Variants in AGBL1 observed in about 807,000 individuals in gnomAD.
AGBL1 encodes the protein cytosolic carboxypeptidase 4.
In AGBL1, 130 loss-of-function variants were observed where a neutral mutation model predicts 118.9. The observed-to-expected ratio is 1.09, with a 90% CI of 0.95 to 1.26. AGBL1 has a LOEUF of 1.26. Ranked by LOEUF, AGBL1 falls within the 50% of genes most tolerant of loss-of-function variation. The pLI is 0.00. For synonymous variants in AGBL1, 555 were observed against 478.9 expected (o/e 1.16, Z -2.08); for missense variants, 1,584 against 1,298.1 (o/e 1.22, Z -3.38).
intron 16 of AGBL1, among the ~76,000 whole-genome samples, chr15:86,281,312 G>A (rs1190437985): frequency 6.6e-6 from 1 of 152,168 alleles, no homozygotes; most frequent in Admixed American, 6.5e-5. Flanking sequence ...GGGCTCAGGA[G>A]GTTGAGGCTG....
intron 24 of AGBL1, among the ~76,000 whole-genome samples, chr15:87,015,805 G>C (rs1265670781): frequency 6.6e-6 from 1 of 152,024 alleles, no homozygotes; most frequent in Non-Finnish European, 1.5e-5. Context: ...TAAAACATTA[G>C]GAGTAATTTT....
At chr15:86,290,434 T>A (rs933632075) in intron 16 of AGBL1, among the ~76,000 whole-genome samples, 1 of 150,282 alleles carries the variant, frequency 6.7e-6, no homozygotes. Context: ...CACTGCAGCC[T>A]TGACCTCCCA....
At chr15:86,630,327 T>A (rs997225769) in intron 21 of AGBL1, 7 of 152,244 alleles carry the variant, frequency 4.6e-5, no homozygotes, top group African/African-American at 1.7e-4. Context: ...TCTGTGGAAC[T>A]CAGCGTTGGT....
At chr15:86,431,235 T>C (rs2081932101) in intron 18 of AGBL1, among the ~76,000 whole-genome samples, 1 of 152,224 alleles carries the variant, frequency 6.6e-6, no homozygotes, top group Admixed American at 6.5e-5. Flanking sequence ...CTCTGTTTCT[T>C]TCAGTGTCAG....
intron 22 of AGBL1, among the ~76,000 whole-genome samples, chr15:86,840,977 A>C (rs2141436669): frequency 6.6e-6 from 1 of 152,330 alleles, no homozygotes; most frequent in African/African-American, 2.4e-5. Flanking sequence ...CTATGCCAAA[A>C]AAAGTTATCT....
At chr15:86,112,737 C>G (rs1019874694) in intron 1 of AGBL1, among the ~76,000 whole-genome samples, 2 of 152,228 alleles carry the variant, frequency 1.3e-5, no homozygotes, top group African/African-American at 4.8e-5. Context: ...CCTATTTCTT[C>G]TCACCCTCAC....
At chr15:86,289,727 C>T (rs1319381236) in intron 16 of AGBL1, among the ~76,000 whole-genome samples, 1 of 152,164 alleles carries the variant, frequency 6.6e-6, no homozygotes, top group African/African-American at 2.4e-5. Flanking sequence ...TCCTTTGGCT[C>T]TGACTTCTTA....
intron 23 of AGBL1, among the ~76,000 whole-genome samples, chr15:86,975,074 C>T (rs2081159922): frequency 6.6e-6 from 1 of 152,006 alleles, no homozygotes; most frequent in Non-Finnish European, 1.5e-5. Context: ...AAGTAATCCT[C>T]CCCTCAACTT....
intron 7 of AGBL1, among the ~76,000 whole-genome samples, chr15:86,253,364 C>G: frequency 6.6e-6 from 1 of 152,176 alleles, no homozygotes; most frequent in African/African-American, 2.4e-5. Context: ...GATTCTCCTG[C>G]CTCAGCCTCC....
chr15:86,400,163 C>T (rs2081423192), intron 18 of AGBL1, among the ~76,000 whole-genome samples: 1 of 152,104 alleles, frequency 6.6e-6, no homozygotes, highest in Non-Finnish European at 1.5e-5. Context: ...TATTTCAGGG[C>T]ATGCCCACTC....
At chr15:86,952,500 A>C (rs2080889856) in intron 23 of AGBL1, among the ~76,000 whole-genome samples, 1 of 152,132 alleles carries the variant, frequency 6.6e-6, no homozygotes, top group South Asian at 2.1e-4. Context: ...TTGTAAAAAA[A>C]TTTGTATCCT....
chr15:86,526,544 G>GTGTA (rs754816154), intron 19 of AGBL1, among the ~76,000 whole-genome samples: 155 of 119,440 alleles, frequency 1.3e-3, no homozygotes, highest in African/African-American at 3.6e-3. Flanking sequence ...TTGTGTCTGT[G>GTGTA]TATATATATA....
At chr15:86,469,975 C>CCATA (rs2082458487) in intron 18 of AGBL1, among the ~76,000 whole-genome samples, 3 of 152,110 alleles carry the variant, frequency 2.0e-5, no homozygotes, top group Admixed American at 2.0e-4. Flanking sequence ...TGGATGTTAG[C>CCATA]CCCTTACAGA....
At chr15:86,083,977 A>G (rs1454243164) in intron 1 of AGBL1, among the ~76,000 whole-genome samples, 1 of 152,126 alleles carries the variant, frequency 6.6e-6, no homozygotes, top group Non-Finnish European at 1.5e-5. Context: ...AGACTTTCCA[A>G]GGTTCCCTAG....
chr15:86,865,033 G>C (rs573063851), intron 22 of AGBL1, among the ~76,000 whole-genome samples: 1 of 152,238 alleles, frequency 6.6e-6, no homozygotes, highest in East Asian at 1.9e-4. Flanking sequence ...CCTGGAGCAG[G>C]GGTCTTGTTG....
At chr15:86,849,395 C>T (rs1236243247) in intron 22 of AGBL1, among the ~76,000 whole-genome samples, 1 of 152,104 alleles carries the variant, frequency 6.6e-6, no homozygotes, top group Non-Finnish European at 1.5e-5. Flanking sequence ...AAGACCTGCA[C>T]ACAAATCAGC....
chr15:86,970,613 C>T (rs916384655), intron 23 of AGBL1, among the ~76,000 whole-genome samples: 2 of 151,882 alleles, frequency 1.3e-5, no homozygotes, highest in Non-Finnish European at 2.9e-5. Flanking sequence ...AATCATGGTA[C>T]CTAGGTTTGA....
intron 18 of AGBL1, among the ~76,000 whole-genome samples, chr15:86,490,679 A>G (rs936550743): frequency 1.3e-5 from 2 of 152,116 alleles, no homozygotes; most frequent in African/African-American, 4.8e-5. Flanking sequence ...ACTGAGCTAT[A>G]GATTAGGAAA....
At chr15:86,105,401 C>T (rs1896998745) in intron 1 of AGBL1, 1 of 152,160 alleles carries the variant, frequency 6.6e-6, no homozygotes, top group African/African-American at 2.4e-5. Flanking sequence ...ATTACCTTAC[C>T]TGGGGCTAGT....
Sources: allele counts gnomAD v4.1 joint callset (sites outside exome capture counted in the v4.1 genomes callset), GRCh38; gene constraint gnomAD v4.1.1; transcripts MANE v1.5; gene names NCBI Gene and HGNC (gene_info 2026-07-23, HGNC 2026-07-21).